MFAP3L: variants seen among roughly 807,000 people sequenced by gnomAD.
MFAP3L encodes the protein microfibril associated protein 3 like, also known as microfibrillar-associated protein 3-like.
A neutral mutation model predicts 20.0 loss-of-function variants in MFAP3L; 5 were observed. The observed-to-expected ratio is 0.25, with a 90% CI of 0.13 to 0.53. MFAP3L has a LOEUF of 0.53. Ranked by LOEUF, MFAP3L falls within the 20% of genes least tolerant of loss-of-function variation. The pLI is 0.96. For synonymous variants in MFAP3L, 219 were observed against 213.0 expected, an observed-to-expected ratio of 1.03 and a Z score of -0.25; for missense variants, 409 against 527.5, an observed-to-expected ratio of 0.78 and a Z score of 2.20.
intron 1 of MFAP3L, among the ~76,000 whole-genome samples, chr4:170,013,840 C>T (rs1455592523): frequency 6.6e-6 from 1 of 152,184 alleles, no homozygotes; most frequent in African/African-American, 2.4e-5. Flanking sequence ...GGCTGGAGTG[C>T]AGTGGCACCA....
At chr4:169,999,487 T>C (rs1340781360) in intron 2 of MFAP3L, among the ~76,000 whole-genome samples, 1 of 152,188 alleles carries the variant, frequency 6.6e-6, no homozygotes, top group Non-Finnish European at 1.5e-5. Context: ...TGTAATTCCA[T>C]AGAACATGGA....
intron 1 of MFAP3L, among the ~76,000 whole-genome samples, chr4:170,012,894 G>T (rs1739471754): frequency 1.3e-5 from 2 of 152,094 alleles, no homozygotes; most frequent in African/African-American, 2.4e-5. Flanking sequence ...CAACTGAGAG[G>T]GGTACCACAT....
intron 2 of MFAP3L, chr4:170,003,766 C>T: frequency 1.0e-6 from 1 of 985,434 alleles, no homozygotes. Context: ...TAGCTCAGCC[C>T]TGCAGAAAGA....
chr4:169,997,763 T>G (rs1041548821), intron 2 of MFAP3L: 1 of 984,006 alleles, frequency 1.0e-6, no homozygotes, highest in Non-Finnish European at 1.2e-6. Context: ...GCAGCCTGGA[T>G]GGCCGACTCC....
chr4:170,001,949 A>T, intron 2 of MFAP3L: 4 of 985,476 alleles, frequency 4.1e-6, no homozygotes, highest in Non-Finnish European at 4.8e-6. Flanking sequence ...GCTGGCATGA[A>T]TAACAGCTCT....
At chr4:170,017,172 C>A (rs1473851217) in intron 1 of MFAP3L, among the ~76,000 whole-genome samples, 1 of 152,064 alleles carries the variant, frequency 6.6e-6, no homozygotes, top group Non-Finnish European at 1.5e-5. Flanking sequence ...AGTTAAATAG[C>A]ATTTCCTCCT....
In MFAP3L at chr4:169,988,410, A is replaced by G. The variant is rs1737423910; in HGVS notation, c.*2968T>C. 6.6e-6 allele frequency: 1 copy of G among 152,228 alleles called. No individual in the cohort carries two copies. Among genetic ancestry groups the G allele is most frequent in the Non-Finnish European group, 1.5e-5 (1 of 68,044 alleles). 9.4% of individuals were successfully genotyped at this position (152,228 alleles called of 1,614,324 possible). On this transcript the variant is annotated 3_prime_UTR_variant, in exon 3 of 3. Transcript: ENST00000361618. ...AATTTCAAGAAAAACATTGCTAGAG[A>G]TATGACCAGGATGACTCAGAAGCCA... is the stretch of plus-strand genomic sequence containing the variant.
chr4:170,008,313 CA>C (rs1410626565), intron 1 of MFAP3L, among the ~76,000 whole-genome samples: 2 of 152,192 alleles, frequency 1.3e-5, no homozygotes, highest in African/African-American at 4.8e-5. Flanking sequence ...TTGTTTGTAT[CA>C]CAGCGTTTTG....
At chr4:170,016,388 A>C (rs1739702981) in intron 1 of MFAP3L, among the ~76,000 whole-genome samples, 1 of 152,106 alleles carries the variant, frequency 6.6e-6, no homozygotes, top group Admixed American at 6.5e-5. Context: ...TGAACTTACT[A>C]TTCCCACCAT....
At chr4:170,010,336 T>A (rs1739295462) in intron 1 of MFAP3L, among the ~76,000 whole-genome samples, 1 of 152,218 alleles carries the variant, frequency 6.6e-6, no homozygotes, top group African/African-American at 2.4e-5. Context: ...ACTGGCTCAT[T>A]CTATCCCACC....
intron 1 of MFAP3L, among the ~76,000 whole-genome samples, chr4:170,013,328 A>C (rs1437219462): frequency 3.9e-5 from 6 of 152,202 alleles, no homozygotes; most frequent in Non-Finnish European, 5.9e-5. Flanking sequence ...TACTCAAGGG[A>C]CCTTTACTAC....
At chr4:170,017,709 T>G (rs1739787785) in intron 1 of MFAP3L, among the ~76,000 whole-genome samples, 3 of 152,358 alleles carry the variant, frequency 2.0e-5, no homozygotes, top group Non-Finnish European at 4.4e-5. Context: ...TTCCTGACTT[T>G]AGTGGTTAAG....
At chr4:169,994,342 G>A in intron 2 of MFAP3L, 7 of 985,378 alleles carry the variant, frequency 7.1e-6, no homozygotes, top group African/African-American at 7.0e-5. Context: ...TAAATATAAG[G>A]ATAAAGTAGT....
intron 1 of MFAP3L, among the ~76,000 whole-genome samples, chr4:170,020,003 T>C (rs62344671): frequency 0.09 from 13,644 of 152,252 alleles, 625 homozygotes; most frequent in Middle Eastern, 0.14. Flanking sequence ...TCTTCTTTTA[T>C]GTATCTCTTA....
intron 1 of MFAP3L, among the ~76,000 whole-genome samples, chr4:170,010,635 A>G (rs1238471217): frequency 2.6e-5 from 4 of 152,218 alleles, no homozygotes; most frequent in African/African-American, 9.7e-5. Flanking sequence ...TCTTAATAAC[A>G]GTCTTTTCTC....
intron 2 of MFAP3L, among the ~76,000 whole-genome samples, chr4:170,001,698 C>CT (rs1286507198): frequency 6.6e-6 from 1 of 152,172 alleles, no homozygotes; most frequent in Non-Finnish European, 1.5e-5. Context: ...AAAAGGAAAA[C>CT]TGAAAACAGT....
chr4:170,008,289 G>A (rs757849034), intron 1 of MFAP3L, among the ~76,000 whole-genome samples: 6 of 152,058 alleles, frequency 3.9e-5, no homozygotes, highest in African/African-American at 7.2e-5. Flanking sequence ...AAGACATAAC[G>A]CATCATTTAC....
At chr4:169,995,634 A>T (rs891374629) in intron 2 of MFAP3L, among the ~76,000 whole-genome samples, 1 of 152,206 alleles carries the variant, frequency 6.6e-6, no homozygotes, top group Non-Finnish European at 1.5e-5. Context: ...CTGGCCCTGC[A>T]TCTCATTCTA....
intron 2 of MFAP3L, among the ~76,000 whole-genome samples, chr4:169,997,498 G>A (rs763549785): frequency 1.4e-4 from 22 of 152,156 alleles, no homozygotes; most frequent in Non-Finnish European, 2.8e-4. Flanking sequence ...GAAAAAATGG[G>A]AAAAGGCTAT....
Sources: gnomAD v4.1 joint callset for allele counts (sites outside exome capture counted in the v4.1 genomes callset) on GRCh38, gnomAD v4.1.1 for gene constraint, MANE v1.5 for transcripts, NCBI Gene and HGNC (gene_info 2026-07-23, HGNC 2026-07-21) for gene names.